The following SP110 variants were observed in gnomAD, a reference collection of about 807,000 sequenced individuals.
The protein encoded by SP110 is interferon-induced protein 41, 30kD.
Under a neutral mutation model 92.7 loss-of-function variants are expected in SP110, and 62 were observed. That is an observed-to-expected ratio of 0.67 (90% CI 0.55 to 0.83). The LOEUF (loss-of-function observed/expected upper bound fraction) is 0.83, where lower values mean the gene tolerates loss of function less well. SP110 is among the 40% of genes least tolerant of loss of function. The probability of loss-of-function intolerance (pLI) is 0.00; values close to 1 mark genes in which losing one functional copy is unlikely to be tolerated. For synonymous variants in SP110, 273 were observed against 305.3 expected (o/e 0.89, Z 1.10); for missense variants, 793 against 863.9 (o/e 0.92, Z 1.03).
intron 8 of SP110, 86 bp from the exon 9 acceptor site, chr2:230,202,814 T>C (rs2043313841): frequency 1.6e-6 from 2 of 1,240,174 alleles, no homozygotes; most frequent in Non-Finnish European, 2.4e-6. Flanking sequence ...TCCCTTCTCA[T>C]GCCCCTAACT....
At chr2:230,202,823 C>T in intron 8 of SP110, 95 bp from the exon 9 acceptor site, 3 of 1,155,186 alleles carry the variant, frequency 2.6e-6, no homozygotes, top group Non-Finnish European at 3.9e-6. Flanking sequence ...ATGCCCCTAA[C>T]TCCCACTCTT....
At chr2:230,176,317 C>G (rs1574601673) in intron 14 of SP110, among the ~76,000 whole-genome samples, 1 of 152,260 alleles carries the variant, frequency 6.6e-6, no homozygotes, top group East Asian at 1.9e-4. Context: ...TTAGCTGGGA[C>G]TACAGGTGCA....
intron 14 of SP110, among the ~76,000 whole-genome samples, chr2:230,176,102 C>T (rs2041847144): frequency 6.6e-6 from 1 of 152,028 alleles, no homozygotes; most frequent in South Asian, 2.1e-4. Flanking sequence ...TGCCACCATG[C>T]CTGGCTAATT....
rs73998762 is a variant in SP110 at position 230,179,139 on chromosome 2, A to G, written c.1349-884T>C. 8.0e-3 allele frequency among the ~76,000 whole-genome samples: 1,215 copies of G among 152,288 alleles called. 16 individuals are homozygous for G. Among genetic ancestry groups the G allele is most frequent in the African/African-American group, 0.028 (1,166 of 41,532 alleles). On this transcript the variant is annotated intron_variant, in intron 12 of 18. Transcript: ENST00000258381. ...AACAAATGGCAAAACAAGAGCATTGACGGAAAGGTGAAGGAACAGTATCAG... is the reference window on the plus strand; with the variant it reads ...AACAAATGGCAAAACAAGAGCATTGGCGGAAAGGTGAAGGAACAGTATCAG...
At chr2:230,207,183 A>T (rs937120843) in intron 8 of SP110, among the ~76,000 whole-genome samples, 1 of 152,160 alleles carries the variant, frequency 6.6e-6, no homozygotes, top group Non-Finnish European at 1.5e-5. Context: ...GATGATGGCT[A>T]TCCCTCTCAT....
At chr2:230,199,154 T>TA (rs1559160092) in intron 10 of SP110, among the ~76,000 whole-genome samples, 75 of 111,636 alleles carry the variant, frequency 6.7e-4, no homozygotes, top group Middle Eastern at 4.7e-3. Flanking sequence ...TATTATTTTT[T>TA]TTTTTTTTTA....
Position 230,178,033 on chromosome 2 carries a change from C to T in SP110, c.1447+124G>A, listed in dbSNP as rs564046512. Reference sequence around the variant, plus strand: ...AGTTTGGAAATTCCTTCCTAAGAAGCGTTTCTTCTGCAGTCTAGCTAGCAG... The same window carrying T: ...AGTTTGGAAATTCCTTCCTAAGAAGTGTTTCTTCTGCAGTCTAGCTAGCAG... On this transcript the variant is annotated intron_variant, in intron 13 of 18. Coordinates refer to ENST00000258381, the MANE Select transcript of SP110 (RefSeq NM_080424.4). The T allele has an allele frequency of 3.3e-5, 24 of 725,208 alleles. No individual in the cohort carries two copies. The East Asian group carries it at 4.0e-4, about 12-fold the overall frequency. The allele number at this position is 725,208 out of a possible 1,614,324, so 44.9% of individuals were successfully genotyped here. A position where few individuals can be genotyped will look rare whatever the true frequency, so the allele number is the denominator to read the frequency against.
upstream of SP110, among the ~76,000 whole-genome samples, chr2:230,223,081 G>C (rs984485409): frequency 2.0e-5 from 3 of 149,708 alleles, no homozygotes; most frequent in Non-Finnish European, 4.4e-5. Flanking sequence ...TCTGTCTCCA[G>C]GCTAGAGTGC....
At chr2:230,221,905 T>A, upstream of SP110, 2 of 637,384 alleles carry the variant, frequency 3.1e-6, no homozygotes, top group Middle Eastern at 2.5e-4. Flanking sequence ...CAGCTGCGAA[T>A]GAGGATGAAA....
chr2:230,208,814 G>T (rs1297584146), intron 7 of SP110, among the ~76,000 whole-genome samples: 1 of 152,156 alleles, frequency 6.6e-6, no homozygotes, highest in Non-Finnish European at 1.5e-5. Flanking sequence ...GGTAAGTAGG[G>T]TCTTCCAAGA....
chr2:230,195,455 C>G (rs1178667161), intron 10 of SP110, among the ~76,000 whole-genome samples: 1 of 152,126 alleles, frequency 6.6e-6, no homozygotes, highest in African/African-American at 2.4e-5. Flanking sequence ...GCACCTCAGC[C>G]TCCTGAGTAG....
Position 230,211,228 on chromosome 2 carries a change from G to A in SP110, c.751+242C>T, listed in dbSNP as rs1422798577. ...TGGGGCTCTGTCCATCATCATCCGTGGCCCTATCCAAGTCTACCTTTTCCA... is the reference window on the plus strand; with the variant it reads ...TGGGGCTCTGTCCATCATCATCCGTAGCCCTATCCAAGTCTACCTTTTCCA... On this transcript the variant is annotated intron_variant, in intron 6 of 18. Transcript: ENST00000258381. The surrounding 1 kb of genome is among the most constrained non-coding windows in gnomAD (Gnocchi z 4.2). Among the ~76,000 whole-genome samples the A allele has an allele frequency of 6.6e-6, 1 of 152,036 alleles. No individual in the cohort carries two copies. Among genetic ancestry groups the A allele is most frequent in the African/African-American group, 2.4e-5 (1 of 41,386 alleles).
chr2:230,186,046 C>G lies in SP110; in HGVS notation c.1227G>C (p.Met409Ile), dbSNP rs201972538. 1.2e-6 allele frequency: 2 copies of G among 1,614,126 alleles called. No homozygotes were observed. The highest frequency in any genetic ancestry group is 1.7e-5 in the Admixed American group (1 of 60,020). Residue 409 changes from methionine to isoleucine, a missense_variant, in exon 11 of 19, where the codon ATG becomes ATC. By Grantham distance (10) the Met-to-Ile change is conservative. Coordinates refer to ENST00000258381, the MANE Select transcript of SP110 (RefSeq NM_080424.4). Reference sequence around the variant, plus strand: ...TAGTTCTTGCCTTTTGGACCCTCATCATGACCTCTGAGTTCCAGGTTGAGT... The same window carrying G: ...TAGTTCTTGCCTTTTGGACCCTCATGATGACCTCTGAGTTCCAGGTTGAGT... ...KDDSTWNSEV[M>I]MRVQKARTKC...
At chr2:230,217,118 C>T (rs748234347) in intron 1 of SP110, among the ~76,000 whole-genome samples, 190 bp from the exon 2 acceptor site, 6 of 151,770 alleles carry the variant, frequency 4.0e-5, no homozygotes, top group East Asian at 1.9e-4. Context: ...TGGTGGCGCA[C>T]GCCTGTAGTC....
intron 7 of SP110, among the ~76,000 whole-genome samples, chr2:230,209,563 G>T (rs1310830882): frequency 1.3e-5 from 2 of 152,214 alleles, no homozygotes; most frequent in Non-Finnish European, 1.5e-5. Flanking sequence ...TGAGGTGTGA[G>T]TGATGGATGG....
chr2:230,213,627 A>T (rs1208210027), intron 3 of SP110: 2 of 152,830 alleles, frequency 1.3e-5, no homozygotes, highest in African/African-American at 2.4e-5. Flanking sequence ...GGTTTCTCTT[A>T]AGATTCTTCT....
At position 230,169,231 on chromosome 2, in the gene SP110, C is replaced by T. The variant is rs370657827; in HGVS notation, c.2035G>A (p.Asp679Asn). Residue 679 changes from aspartate (D) to asparagine (N), a missense_variant, in exon 19 of 19, where the codon GAC (aspartate) becomes AAC (asparagine). Coordinates refer to ENST00000258381, the MANE Select transcript of SP110 (RefSeq NM_080424.4). ...AAGTCAAGTCCTACCTGGCCAAAGT[C>T]AGAAGCCTGAAAGAGAAAAAAGCAA... ...RNHKTFYKAS[D>N]FGQVGLDLEA... The T allele has an allele frequency of 2.2e-5, 35 of 1,586,558 alleles. No individual in the cohort carries two copies. The African/African-American group carries it at 4.2e-4, about 19-fold the overall frequency.
chr2:230,200,169 CA>C (rs2043067767), intron 10 of SP110, among the ~76,000 whole-genome samples: 1 of 152,120 alleles, frequency 6.6e-6, no homozygotes, highest in East Asian at 1.9e-4. Context: ...TTTTTCCTGA[CA>C]ATAATTAGAT....
intron 1 of SP110, among the ~76,000 whole-genome samples, chr2:230,217,245 CAAA>C (rs6147220): frequency 1.3e-4 from 10 of 79,794 alleles, no homozygotes; most frequent in South Asian, 4.7e-4. Flanking sequence ...GACTCCATCT[CAAA>C]AAAAAAAAAA....
Sources: gnomAD v4.1 joint callset for allele counts (sites outside exome capture counted in the v4.1 genomes callset) on GRCh38, gnomAD v4.1.1 for gene constraint, Gnocchi (gnomAD v3.1) non-coding constraint, MANE v1.5 for transcripts, NCBI Gene and HGNC (gene_info 2026-07-23, HGNC 2026-07-21) for gene names.